Variants in AGBL4 observed in about 807,000 individuals in gnomAD.
AGBL4 encodes AGBL carboxypeptidase 4, also known as cytosolic carboxypeptidase 6.
AGBL4 carries 58 observed loss-of-function variants against 66.4 expected under a neutral mutation model. That is an observed-to-expected ratio of 0.87 (90% confidence interval 0.71 to 1.09). The LOEUF is 1.09. Among genes scored for constraint, AGBL4 ranks in the 50% least tolerant of loss-of-function variants. The pLI, the probability that AGBL4 is intolerant of heterozygous loss-of-function variation, is 0.00. For synonymous variants in AGBL4, 234 were observed against 222.9 expected, an observed-to-expected ratio of 1.05 and a Z score of -0.44; for missense variants, 579 against 631.0, an observed-to-expected ratio of 0.92 and a Z score of 0.88.
chr1:49,983,166 C>T (rs560508224), intron 1 of AGBL4, among the ~76,000 whole-genome samples: 5 of 152,338 alleles, frequency 3.3e-5, no homozygotes, highest in South Asian at 2.1e-4. Context: ...GCCCCTTACT[C>T]GCCATGTTGC....
At chr1:49,845,402 A>G in intron 2 of AGBL4, 1 of 1,390,962 alleles carries the variant, frequency 7.2e-7, no homozygotes, top group Non-Finnish European at 1.0e-6. Flanking sequence ...CACACAAACA[A>G]GAAGCCCTAT....
chr1:49,480,345 G>T (rs1310194408), intron 3 of AGBL4, among the ~76,000 whole-genome samples: 1 of 151,936 alleles, frequency 6.6e-6, no homozygotes, highest in Non-Finnish European at 1.5e-5. Flanking sequence ...GGTGTTAGAT[G>T]GTATCTCATT....
chr1:48,565,845 C>T lies in AGBL4; in HGVS notation c.1267+21159G>A, dbSNP rs79713541. 1.9e-3 allele frequency among the ~76,000 whole-genome samples: 282 copies of T among 152,310 alleles called. 8 individuals carry two copies. In the East Asian group the frequency reaches 0.051, roughly 27 times the overall value. On this transcript the variant is annotated intron_variant, in intron 11 of 13. Transcript: ENST00000371839. ...CAGTACCTGCCACATAACTGACTGC[C>T]CTCCCTTAATCCTGCAACTTCACTG...
chr1:49,050,650 T>C (rs1644191971), intron 4 of AGBL4, among the ~76,000 whole-genome samples: 1 of 152,092 alleles, frequency 6.6e-6, no homozygotes, highest in Non-Finnish European at 1.5e-5. Flanking sequence ...CCTTGCCTTT[T>C]TAAATGCTAT....
At chr1:49,641,719 C>T (rs1049696935) in intron 3 of AGBL4, among the ~76,000 whole-genome samples, 1 of 151,976 alleles carries the variant, frequency 6.6e-6, no homozygotes, top group Non-Finnish European at 1.5e-5. Flanking sequence ...AAGCACATGA[C>T]ATTTAACTTT....
At chr1:49,548,431 T>C (rs1652683236) in intron 3 of AGBL4, among the ~76,000 whole-genome samples, 1 of 152,218 alleles carries the variant, frequency 6.6e-6, no homozygotes, top group Non-Finnish European at 1.5e-5. Flanking sequence ...ATGACTTTTA[T>C]TACATTGAAG....
chr1:49,276,588 A>C (rs997119591), intron 3 of AGBL4, among the ~76,000 whole-genome samples: 4 of 152,198 alleles, frequency 2.6e-5, no homozygotes, highest in Non-Finnish European at 4.4e-5. Flanking sequence ...ACATTAACTG[A>C]GAGTCTGACA....
At chr1:48,732,605 G>A (rs1019083116) in intron 6 of AGBL4, among the ~76,000 whole-genome samples, 4 of 151,906 alleles carry the variant, frequency 2.6e-5, no homozygotes, top group African/African-American at 4.9e-5. Context: ...GGGAGGGCAC[G>A]CAGATCAGGA....
At chr1:49,184,805 C>T (rs1309917568) in intron 4 of AGBL4, among the ~76,000 whole-genome samples, 2 of 152,154 alleles carry the variant, frequency 1.3e-5, no homozygotes, top group Non-Finnish European at 2.9e-5. Context: ...TTGCCACTTA[C>T]TAAGTGTGTG....
intron 4 of AGBL4, among the ~76,000 whole-genome samples, chr1:49,092,542 T>C (rs997695406): frequency 3.3e-5 from 5 of 152,186 alleles, no homozygotes; most frequent in Non-Finnish European, 7.4e-5. Context: ...TCATATTTTA[T>C]GGTTATTGTA....
chr1:48,788,769 T>A (rs1413658694), intron 6 of AGBL4, among the ~76,000 whole-genome samples: 1 of 152,242 alleles, frequency 6.6e-6, no homozygotes, highest in East Asian at 1.9e-4. Context: ...ATTTGTTCAT[T>A]CATTTATTTA....
At chr1:48,613,043 A>C (rs1570003347) in intron 9 of AGBL4, among the ~76,000 whole-genome samples, 1 of 152,120 alleles carries the variant, frequency 6.6e-6, no homozygotes, top group Non-Finnish European at 1.5e-5. Context: ...CTGAGGCAGG[A>C]GAATTTCTTG....
At chr1:49,427,830 CCTG>C (rs1157995160) in intron 3 of AGBL4, among the ~76,000 whole-genome samples, 2 of 152,206 alleles carry the variant, frequency 1.3e-5, no homozygotes, top group African/African-American at 4.8e-5. Context: ...CCGCCCACAT[CCTG>C]CTAATTGGTC....
rs569538985 is a variant in AGBL4, at chr1:48,684,481, G to A, written c.635-21240C>T. 3.3e-5 allele frequency among the ~76,000 whole-genome samples: 5 copies of A among 152,280 alleles called. No homozygotes were observed. The South Asian group carries it at 1.0e-3, about 32-fold the overall frequency. On this transcript the variant is annotated intron_variant, in intron 6 of 13. Coordinates refer to ENST00000371839, the MANE Select transcript of AGBL4 (RefSeq NM_032785.4). ...ACCTTTGACTGGGCTATTCAACTAA[G>A]CTTTGCCTCAATTGTGGTTTGGAAT...
At chr1:49,017,982 T>C (rs1189441623) in intron 5 of AGBL4, among the ~76,000 whole-genome samples, 1 of 152,138 alleles carries the variant, frequency 6.6e-6, no homozygotes, top group Non-Finnish European at 1.5e-5. Context: ...CCCTTCACCA[T>C]TGTCATAGGC....
chr1:49,935,508 T>A (rs1653886928), intron 1 of AGBL4, among the ~76,000 whole-genome samples: 1 of 152,172 alleles, frequency 6.6e-6, no homozygotes, highest in African/African-American at 2.4e-5. Context: ...CAGCTGGAGA[T>A]CTGAGAACGG....
At chr1:49,450,251 GC>G (rs1488821586) in intron 3 of AGBL4, among the ~76,000 whole-genome samples, 2 of 152,012 alleles carry the variant, frequency 1.3e-5, no homozygotes, top group African/African-American at 4.8e-5. Context: ...CTGATATGAA[GC>G]TAGGAATAGA....
At chr1:49,694,286 G>C (rs1646942841) in intron 3 of AGBL4, among the ~76,000 whole-genome samples, 1 of 152,048 alleles carries the variant, frequency 6.6e-6, no homozygotes, top group Admixed American at 6.6e-5. Context: ...GACCTCACAA[G>C]TCAAACTTCA....
chr1:48,677,864 A>T (rs891589828), intron 6 of AGBL4, among the ~76,000 whole-genome samples: 2 of 152,178 alleles, frequency 1.3e-5, no homozygotes, highest in African/African-American at 4.8e-5. Context: ...CACTAGGGTG[A>T]TGGGGAGATA....
Sources: allele counts gnomAD v4.1 joint callset (sites outside exome capture counted in the v4.1 genomes callset), GRCh38; gene constraint gnomAD v4.1.1; transcripts MANE v1.5; gene names NCBI Gene and HGNC (gene_info 2026-07-23, HGNC 2026-07-21).